Variants in CCDC148 observed in about 807,000 individuals in gnomAD.
CCDC148 encodes the protein coiled-coil domain-containing protein 148.
In CCDC148, 89 loss-of-function variants were observed where a neutral mutation model predicts 85.7. The ratio of observed to expected loss-of-function variants is 1.04; its 90% confidence interval spans 0.87 to 1.24. The LOEUF (loss-of-function observed/expected upper bound fraction) is 1.24. Ranked by LOEUF, CCDC148 falls within the 50% of genes most tolerant of loss-of-function variation. CCDC148 has a pLI of 0.00. For missense variants in CCDC148, 692 were observed against 671.7 expected, an observed-to-expected ratio of 1.03 and a Z score of -0.33; for synonymous variants, 230 against 213.9, an observed-to-expected ratio of 1.08 and a Z score of -0.66.
intron 10 of CCDC148, 32 bp downstream of exon 10, chr2:158,250,740 T>C (rs1688754612): frequency 1.3e-6 from 2 of 1,511,990 alleles, no homozygotes; most frequent in African/African-American, 1.4e-5. Context: ...AAGCATTCAT[T>C]CACACATTCG....
intron 11 of CCDC148, among the ~76,000 whole-genome samples, chr2:158,208,443 G>A (rs1455434621): frequency 6.6e-6 from 1 of 152,146 alleles, no homozygotes; most frequent in African/African-American, 2.4e-5. Context: ...TGCAGCTAGA[G>A]CATGAGTGTG....
intron 7 of CCDC148, among the ~76,000 whole-genome samples, chr2:158,332,710 A>G (rs1347148314): frequency 6.6e-6 from 1 of 151,646 alleles, no homozygotes; most frequent in East Asian, 1.9e-4. Context: ...CAATTTTAGA[A>G]CTTGTTATTG....
At chr2:158,227,409 C>A (rs1340864541) in intron 10 of CCDC148, among the ~76,000 whole-genome samples, 2 of 151,952 alleles carry the variant, frequency 1.3e-5, no homozygotes, top group Admixed American at 6.6e-5. Context: ...TCAATGCCAT[C>A]CCCATCAAGC....
rs185673068 is a variant in CCDC148, at chr2:158,413,876, T to A, written c.25+42539A>T. ...TGAGTGCTTATTTAATCTTTCAAAT[T>A]TTTATCATATCTGCCTTACTAAAAT... On this transcript the variant is annotated intron_variant, in intron 1 of 13. Coordinates refer to ENST00000283233, the MANE Select transcript of CCDC148 (RefSeq NM_138803.4). 4.8e-3 allele frequency among the ~76,000 whole-genome samples: 738 copies of A among 152,290 alleles called. 3 individuals are homozygous for A. The highest frequency in any genetic ancestry group is 0.024 in the Middle Eastern group (7 of 294).
At chr2:158,253,156 G>A (rs747399496) in intron 9 of CCDC148, among the ~76,000 whole-genome samples, 27 of 151,698 alleles carry the variant, frequency 1.8e-4, no homozygotes, top group Non-Finnish European at 3.2e-4. Flanking sequence ...AAACCATTGA[G>A]CTTGGTCGTA....
chr2:158,240,452 T>TCTCTCACACACACACACACA (rs941238898), intron 10 of CCDC148, among the ~76,000 whole-genome samples: 1 of 120,546 alleles, frequency 8.3e-6, no homozygotes, highest in Admixed American at 8.9e-5. Flanking sequence ...TCTCTCTCTC[T>TCTCTCACACACACACACACA]CACACACACA....
At chr2:158,176,053 A>G (rs552775967) in intron 13 of CCDC148, among the ~76,000 whole-genome samples, 6 of 152,242 alleles carry the variant, frequency 3.9e-5, no homozygotes, top group African/African-American at 1.2e-4. Flanking sequence ...TCCGTAAAAA[A>G]TGTTTTATCA....
At chr2:158,298,189 C>T (rs1458493225) in intron 9 of CCDC148, among the ~76,000 whole-genome samples, 1 of 152,118 alleles carries the variant, frequency 6.6e-6, no homozygotes, top group East Asian at 1.9e-4. Context: ...TCCTGTGATT[C>T]AATTATTTCC....
At chr2:158,432,798 G>A (rs1397010310) in intron 1 of CCDC148, among the ~76,000 whole-genome samples, 1 of 151,924 alleles carries the variant, frequency 6.6e-6, no homozygotes, top group Non-Finnish European at 1.5e-5. Flanking sequence ...AAGAGACCAG[G>A]CGTAATGGCT....
intron 9 of CCDC148, among the ~76,000 whole-genome samples, chr2:158,282,797 C>A (rs1192929769): frequency 2.0e-5 from 3 of 152,072 alleles, no homozygotes; most frequent in Non-Finnish European, 4.4e-5. Flanking sequence ...TCATATGGAA[C>A]CAAAAAAGAG....
intron 1 of CCDC148, among the ~76,000 whole-genome samples, chr2:158,388,832 C>A (rs895011406): frequency 6.6e-6 from 1 of 152,050 alleles, no homozygotes; most frequent in Non-Finnish European, 1.5e-5. Flanking sequence ...GTAATACTTT[C>A]TAGAGTTGTG....
intron 10 of CCDC148, among the ~76,000 whole-genome samples, chr2:158,225,048 T>C (rs1283786711): frequency 6.6e-6 from 1 of 152,142 alleles, no homozygotes; most frequent in East Asian, 1.9e-4. Context: ...TGTGCTGTAT[T>C]CACGAAACCC....
intron 8 of CCDC148, among the ~76,000 whole-genome samples, chr2:158,312,293 C>A (rs1312122412): frequency 1.3e-5 from 2 of 152,004 alleles, no homozygotes; most frequent in Non-Finnish European, 2.9e-5. Context: ...TAAGCATATA[C>A]CACACAGAAA....
chr2:158,214,121 TA>T (rs70990697), intron 11 of CCDC148, among the ~76,000 whole-genome samples: 54,535 of 96,500 alleles, frequency 0.57, 14,469 homozygotes, highest in South Asian at 0.76. Context: ...AACATTGTGG[TA>T]AAAAAAAAAA....
At chr2:158,431,147 T>A (rs1006235259) in intron 1 of CCDC148, among the ~76,000 whole-genome samples, 1 of 148,812 alleles carries the variant, frequency 6.7e-6, no homozygotes, top group Non-Finnish European at 1.5e-5. Flanking sequence ...GGAGAGGGAA[T>A]GAGGAAAAAA....
chr2:158,295,337 C>T (rs1412888680), intron 9 of CCDC148, among the ~76,000 whole-genome samples: 1 of 151,136 alleles, frequency 6.6e-6, no homozygotes, highest in East Asian at 1.9e-4. Flanking sequence ...CTATTCCAAT[C>T]AATAGAAAAA....
chr2:158,239,888 GT>G (rs145200532), intron 10 of CCDC148, among the ~76,000 whole-genome samples: 25,027 of 150,128 alleles, frequency 0.17, 2,605 homozygotes, highest in Middle Eastern at 0.26. Flanking sequence ...TACCAATTAG[GT>G]TTTTTTTTTC....
At chr2:158,427,961 C>T (rs897436979) in intron 1 of CCDC148, among the ~76,000 whole-genome samples, 2 of 152,130 alleles carry the variant, frequency 1.3e-5, no homozygotes, top group African/African-American at 4.8e-5. Context: ...AGAGAAGAAG[C>T]AGGAGAGGCA....
intron 2 of CCDC148, among the ~76,000 whole-genome samples, chr2:158,351,489 C>T (rs377667869): frequency 7.0e-6 from 1 of 143,702 alleles, no homozygotes; most frequent in Non-Finnish European, 1.5e-5. Flanking sequence ...AATCGGGTCA[C>T]TCCCACCTGA....
Sources: gnomAD v4.1 joint callset for allele counts (sites outside exome capture counted in the v4.1 genomes callset) on GRCh38, gnomAD v4.1.1 for gene constraint, MANE v1.5 for transcripts, NCBI Gene and HGNC (gene_info 2026-07-23, HGNC 2026-07-21) for gene names.